Variants in LINC00305 observed in about 807,000 individuals in gnomAD.
LINC00305 encodes long independently transcribed non-coding RNA 305, also known as long intergenic non-protein coding RNA 305.
chr18:64,148,005 G>C (rs981982363), intron 1 of LINC00305, among the ~76,000 whole-genome samples: 1 of 151,918 alleles, frequency 6.6e-6, no homozygotes, highest in Non-Finnish European at 1.5e-5. Context: ...GAACCATCTC[G>C]GATGTACGTT....
At chr18:64,082,565 A>G (rs1336854837) in intron 3 of LINC00305, among the ~76,000 whole-genome samples, 1 of 152,204 alleles carries the variant, frequency 6.6e-6, no homozygotes, top group Admixed American at 6.5e-5. Flanking sequence ...TTGGGCAGCT[A>G]CAGTGGCAGA....
rs564006743 is a variant in LINC00305, at chr18:64,146,323, C to A, written n.314+2452G>T. ...ACAGTGTGACCATCCCAAGAAACAG[C>A]TCCCATTATGAATTTTTAAAACTGT... On this transcript the variant is annotated intron_variant and non_coding_transcript_variant, in intron 1 of 3. Transcript: ENST00000666468. Among the ~76,000 whole-genome samples, 50 of 152,246 alleles carry A rather than the reference C, an allele frequency of 3.3e-4. No homozygotes were observed. In the South Asian group the frequency reaches 4.1e-3, roughly 13 times the overall value.
At chr18:64,110,827 A>T (rs2051311939) in intron 1 of LINC00305, among the ~76,000 whole-genome samples, 1 of 152,192 alleles carries the variant, frequency 6.6e-6, no homozygotes, top group Non-Finnish European at 1.5e-5. Context: ...CACTTGGAAA[A>T]CATTAGGAAA....
intron 1 of LINC00305, among the ~76,000 whole-genome samples, chr18:64,121,583 C>T (rs760658866): frequency 6.6e-6 from 1 of 152,030 alleles, no homozygotes; most frequent in Non-Finnish European, 1.5e-5. Flanking sequence ...TTTCTTTATC[C>T]AGTCATTTGT....
intron 1 of LINC00305, among the ~76,000 whole-genome samples, chr18:64,119,956 A>C (rs536772529): frequency 6.6e-6 from 1 of 152,240 alleles, no homozygotes; most frequent in South Asian, 2.1e-4. Context: ...CATGTGTATG[A>C]AGTAACTAAA....
intron 1 of LINC00305, among the ~76,000 whole-genome samples, chr18:64,136,481 C>T (rs1248899046): frequency 1.3e-5 from 2 of 152,106 alleles, no homozygotes; most frequent in African/African-American, 4.8e-5. Context: ...CCTTATAAGA[C>T]CATCAGATCT....
chr18:64,092,648 C>T (rs950469601), intron 3 of LINC00305, among the ~76,000 whole-genome samples: 3 of 152,166 alleles, frequency 2.0e-5, no homozygotes, highest in African/African-American at 7.2e-5. Context: ...TGGTCTTTGA[C>T]GCCTCCAACA....
chr18:64,103,354 T>G (rs962989941), intron 1 of LINC00305, among the ~76,000 whole-genome samples: 2 of 152,144 alleles, frequency 1.3e-5, no homozygotes, highest in African/African-American at 4.8e-5. Context: ...TAGACAATTA[T>G]TTTTTCCTAA....
chr18:64,129,721 A>G (rs2051400812), intron 1 of LINC00305, among the ~76,000 whole-genome samples: 3 of 152,088 alleles, frequency 2.0e-5, no homozygotes, highest in Admixed American at 2.0e-4. Flanking sequence ...CTTATTTTAC[A>G]TTTTGCCTTA....
chr18:64,081,928 T>C (rs1249902558), intron 3 of LINC00305, among the ~76,000 whole-genome samples: 1 of 152,144 alleles, frequency 6.6e-6, no homozygotes, highest in Non-Finnish European at 1.5e-5. Flanking sequence ...AAAAACAGCA[T>C]GGCTGTGATG....
At chr18:64,109,024 C>T (rs2051303989) in intron 1 of LINC00305, among the ~76,000 whole-genome samples, 2 of 152,146 alleles carry the variant, frequency 1.3e-5, no homozygotes, top group Non-Finnish European at 2.9e-5. Flanking sequence ...TGTTGCATCA[C>T]ATCAATCTCC....
At chr18:64,087,697 T>A (rs2051208595) in intron 3 of LINC00305, among the ~76,000 whole-genome samples, 1 of 152,154 alleles carries the variant, frequency 6.6e-6, no homozygotes, top group Non-Finnish European at 1.5e-5. Flanking sequence ...TAAGGACCTA[T>A]CTCTGGATCT....
At chr18:64,087,424 A>G (rs2051207431) in intron 3 of LINC00305, among the ~76,000 whole-genome samples, 2 of 152,210 alleles carry the variant, frequency 1.3e-5, no homozygotes, top group Admixed American at 6.5e-5. Context: ...AAACCATAGA[A>G]GCTCAAACTT....
At chr18:64,080,125 T>A (rs944508076) in exon 4 of LINC00305, 17 of 181,470 alleles carry the variant, frequency 9.4e-5, no homozygotes, top group Admixed American at 1.8e-4. Flanking sequence ...AGATGAAAAA[T>A]TTTAAAAGTG....
intron 1 of LINC00305, among the ~76,000 whole-genome samples, chr18:64,143,625 T>C (rs906354861): frequency 9.4e-5 from 9 of 95,510 alleles, no homozygotes; most frequent in Non-Finnish European, 1.8e-4. Flanking sequence ...TACACATATG[T>C]ATGTACACGT....
At chr18:64,098,079 A>G (rs1236180735) in intron 2 of LINC00305, 1 of 445,238 alleles carries the variant, frequency 2.2e-6, no homozygotes, top group East Asian at 7.1e-5. Flanking sequence ...GTATTATTGA[A>G]TAAAGGTACA....
intron 1 of LINC00305, among the ~76,000 whole-genome samples, chr18:64,100,215 A>C (rs1048950756): frequency 6.6e-6 from 1 of 152,158 alleles, no homozygotes; most frequent in East Asian, 1.9e-4. Context: ...CTCGTGTAAC[A>C]GATAAAGTAA....
In LINC00305 at chr18:64,138,679, T is replaced by G. The variant is rs868489354; in HGVS notation, n.314+10096A>C. 7.2e-5 allele frequency among the ~76,000 whole-genome samples: 11 copies of G among 152,282 alleles called. 1 individual carries two copies. The highest frequency in any genetic ancestry group is 3.4e-3 in the Middle Eastern group (1 of 294). ...GTTTTTCTCATTTTGGGGGGCCTAT[T>G]TTTTATTCAGCAGCGGGTTTGGTGC... is the stretch of plus-strand genomic sequence containing the variant. On this transcript the variant is annotated intron_variant and non_coding_transcript_variant, in intron 1 of 3. Transcript: ENST00000666468.
At chr18:64,098,711 C>A (rs984136470) in intron 1 of LINC00305, 4 of 373,712 alleles carry the variant, frequency 1.1e-5, no homozygotes, top group Non-Finnish European at 2.1e-5. Flanking sequence ...AGTGAGTAAC[C>A]CTGGGAGTGT....
Sources: gnomAD v4.1 joint callset for allele counts (sites outside exome capture counted in the v4.1 genomes callset) on GRCh38, gnomAD v4.1.1 for gene constraint, MANE v1.5 for transcripts, NCBI Gene and HGNC (gene_info 2026-07-23, HGNC 2026-07-21) for gene names.